The following PRKAR2A variants were observed in gnomAD, a reference collection of about 807,000 sequenced individuals.
PRKAR2A encodes the protein protein kinase cAMP-dependent type II regulatory subunit alpha.
Under a neutral mutation model 51.9 loss-of-function variants are expected in PRKAR2A, and 29 were observed. That is an observed-to-expected ratio of 0.56 (90% CI 0.42 to 0.76). The LOEUF (loss-of-function observed/expected upper bound fraction) is 0.76. Among genes scored for constraint, PRKAR2A ranks in the 30% least tolerant of loss-of-function variants. PRKAR2A has a pLI of 0.00. For synonymous variants in PRKAR2A, 178 were observed against 186.2 expected (o/e 0.96, Z 0.36); for missense variants, 445 against 512.1 (o/e 0.87, Z 1.26).
intron 9 of PRKAR2A, 135 bp from the exon 10 acceptor site, chr3:48,752,452 CTG>C: frequency 1.0e-6 from 1 of 974,128 alleles, no homozygotes; most frequent in East Asian, 2.6e-5. Context: ...AATTCACTAA[CTG>C]TACCATGTAA....
chr3:48,818,586 C>CA (rs903767041), intron 1 of PRKAR2A, among the ~76,000 whole-genome samples: 43 of 147,894 alleles, frequency 2.9e-4, no homozygotes, highest in East Asian at 1.2e-3. Flanking sequence ...CCTGTCTCTA[C>CA]AAAAAAAAAA....
chr3:48,818,480 G>T (rs886336604), intron 1 of PRKAR2A, among the ~76,000 whole-genome samples: 1 of 152,150 alleles, frequency 6.6e-6, no homozygotes, highest in Admixed American at 6.6e-5. Context: ...ACCTGGCCAG[G>T]TGCAGTGGCT....
Position 48,847,332 on chromosome 3 carries a change from T to C in PRKAR2A, c.262+3A>G, listed in dbSNP as rs1274629509. On this transcript the variant is annotated splice_donor_region_variant and intron_variant, in intron 1 of 10. Transcript: ENST00000265563. This position sits in a 1 kb window ranked among gnomAD's most constrained non-coding sequence, Gnocchi z 4.4. ...ACTCCCCAGGGCCCCGCCCACAGCC[T>C]ACCTTCCAAGTCCTCGTCCTCCTCC... 3 of 1,613,386 alleles carry C rather than the reference T, an allele frequency of 1.9e-6. No individual in the cohort carries two copies. Among genetic ancestry groups the C allele is most frequent in the Non-Finnish European group, 2.5e-6 (3 of 1,179,646 alleles).
At chr3:48,805,086 T>A (rs926200119) in intron 2 of PRKAR2A, among the ~76,000 whole-genome samples, 4 of 151,968 alleles carry the variant, frequency 2.6e-5, no homozygotes, top group East Asian at 1.9e-4. Flanking sequence ...TATTTTTTTT[T>A]AATTTTTTGA....
chr3:48,812,856 ACGTG>A (rs2082799054), intron 1 of PRKAR2A, among the ~76,000 whole-genome samples: 2 of 152,192 alleles, frequency 1.3e-5, no homozygotes, highest in Non-Finnish European at 2.9e-5. Context: ...TCTGAAATAC[ACGTG>A]GATTTTTTAA....
intron 1 of PRKAR2A, among the ~76,000 whole-genome samples, chr3:48,834,178 G>C (rs775716510): frequency 2.0e-5 from 3 of 152,040 alleles, no homozygotes; most frequent in Non-Finnish European, 4.4e-5. Flanking sequence ...AGGAAAAATA[G>C]GCCACATACA....
chr3:48,793,948 T>G (rs1482923006), intron 3 of PRKAR2A, 49 bp downstream of exon 3: 5 of 1,415,860 alleles, frequency 3.5e-6, no homozygotes, highest in Non-Finnish European at 5.0e-6. Flanking sequence ...GAAGGGGAGT[T>G]AATGAGAAAT....
intron 5 of PRKAR2A, among the ~76,000 whole-genome samples, chr3:48,773,339 C>CTTTTTTTTT (rs34140561): frequency 5.7e-5 from 5 of 87,650 alleles, no homozygotes; most frequent in African/African-American, 1.9e-4. Flanking sequence ...ATTTTCTTTT[C>CTTTTTTTTT]TTTTTTTTTT....
At chr3:48,839,751 G>C (rs956129802) in intron 1 of PRKAR2A, among the ~76,000 whole-genome samples, 3 of 151,976 alleles carry the variant, frequency 2.0e-5, no homozygotes, top group African/African-American at 7.2e-5. Flanking sequence ...GATACTTCTT[G>C]TTCTTTTTTT....
intron 3 of PRKAR2A, among the ~76,000 whole-genome samples, chr3:48,793,280 G>T (rs2082422237): frequency 6.6e-6 from 1 of 151,674 alleles, no homozygotes; most frequent in Non-Finnish European, 1.5e-5. Flanking sequence ...CATATTTTGG[G>T]TCATTTAAGT....
At chr3:48,797,486 C>T (rs192934490) in intron 2 of PRKAR2A, among the ~76,000 whole-genome samples, 4 of 152,224 alleles carry the variant, frequency 2.6e-5, no homozygotes, top group Non-Finnish European at 2.9e-5. Flanking sequence ...CTAGGTACAC[C>T]CCAGCTTCCC....
intron 2 of PRKAR2A, 86 bp downstream of exon 2, chr3:48,807,563 T>C: frequency 2.7e-6 from 3 of 1,119,568 alleles, no homozygotes; most frequent in South Asian, 2.8e-5. Flanking sequence ...TGGGAGCTTA[T>C]CTTTTTATTC....
At chr3:48,799,699 A>C (rs1191144531) in intron 2 of PRKAR2A, among the ~76,000 whole-genome samples, 3 of 152,220 alleles carry the variant, frequency 2.0e-5, no homozygotes. Flanking sequence ...CCAGGTTCTC[A>C]GTGGACTGTT....
rs141079474 is a variant in PRKAR2A, at chr3:48,768,344, T to G, written c.697-2995A>C. On this transcript the variant is annotated intron_variant, in intron 6 of 10. Coordinates refer to ENST00000265563, the MANE Select transcript of PRKAR2A (RefSeq NM_004157.4). ...AGATAGATAGATAGATAGATAGATA[T>G]AGACAGACAGAGAGACAGACAGACA... is the stretch of plus-strand genomic sequence containing the variant. 1.4e-3 allele frequency among the ~76,000 whole-genome samples: 176 copies of G among 122,342 alleles called. 5 individuals are homozygous for G. In the South Asian group the frequency reaches 0.029, roughly 20 times the overall value. The allele number at this position is 122,342 out of a possible 152,430, so 80.3% of individuals were successfully genotyped here. A position where few individuals can be genotyped will look rare whatever the true frequency, so the allele number is the denominator to read the frequency against.
At chr3:48,827,465 G>A (rs534139863) in intron 1 of PRKAR2A, among the ~76,000 whole-genome samples, 2 of 152,182 alleles carry the variant, frequency 1.3e-5, no homozygotes, top group South Asian at 4.1e-4. Flanking sequence ...AAAAGCACAT[G>A]TATCACTTCA....
chr3:48,765,411 T>G, intron 6 of PRKAR2A, 62 bp from the exon 7 acceptor site: 1 of 1,158,682 alleles, frequency 8.6e-7, no homozygotes, highest in South Asian at 1.5e-5. Context: ...TATGGTTTAA[T>G]TAACTGGCCA....
intron 1 of PRKAR2A, among the ~76,000 whole-genome samples, chr3:48,831,123 C>G (rs750004707): frequency 6.6e-6 from 1 of 152,090 alleles, no homozygotes; most frequent in Non-Finnish European, 1.5e-5. Context: ...ATGTACTATA[C>G]TTTTATACAA....
intron 5 of PRKAR2A, among the ~76,000 whole-genome samples, chr3:48,779,435 G>A (rs1209820622): frequency 6.6e-6 from 1 of 152,068 alleles, no homozygotes; most frequent in Non-Finnish European, 1.5e-5. Context: ...GGAGTACACA[G>A]CAGGGCAAAG....
chr3:48,791,313 A>T (rs950804426), intron 3 of PRKAR2A, among the ~76,000 whole-genome samples: 38 of 123,658 alleles, frequency 3.1e-4, no homozygotes, highest in East Asian at 1.8e-3. Context: ...AAAAAAAAAA[A>T]GGGCTGGGCG....
Sources: allele counts gnomAD v4.1 joint callset (sites outside exome capture counted in the v4.1 genomes callset), GRCh38; gene constraint gnomAD v4.1.1; non-coding constraint Gnocchi (gnomAD v3.1); transcripts MANE v1.5; gene names NCBI Gene and HGNC (gene_info 2026-07-23, HGNC 2026-07-21).